The following PPARGC1A variants were observed in gnomAD, a reference collection of about 807,000 sequenced individuals.
The protein encoded by PPARGC1A is PPARG coactivator 1 alpha.
In PPARGC1A, 25 loss-of-function variants were observed where a neutral mutation model predicts 88.7. That is an observed-to-expected ratio of 0.28 (90% CI 0.21 to 0.39). The LOEUF (loss-of-function observed/expected upper bound fraction) is 0.39, where lower values mean the gene tolerates loss of function less well. Ranked by LOEUF, PPARGC1A falls within the 10% of genes least tolerant of loss-of-function variation. The probability of loss-of-function intolerance (pLI) is 1.00; values close to 1 mark genes in which losing one functional copy is unlikely to be tolerated. For missense variants in PPARGC1A, 880 were observed against 968.7 expected, an observed-to-expected ratio of 0.91 and a Z score of 1.22; for synonymous variants, 363 against 355.6, an observed-to-expected ratio of 1.02 and a Z score of -0.24.
intron 2 of PPARGC1A, among the ~76,000 whole-genome samples, chr4:23,876,160 T>C (rs1577616724): frequency 1.3e-5 from 2 of 152,242 alleles, no homozygotes; most frequent in Non-Finnish European, 1.5e-5. Flanking sequence ...CATAATAACA[T>C]ACTGCAATCA....
chr4:23,819,494 T>G (rs909317087), intron 7 of PPARGC1A, among the ~76,000 whole-genome samples: 3 of 152,154 alleles, frequency 2.0e-5, no homozygotes, highest in Admixed American at 1.3e-4. Flanking sequence ...TTGACCCTTG[T>G]GTAAATTCCC....
the PPARGC1A span, among the ~76,000 whole-genome samples, chr4:24,161,771 G>A: frequency 6.6e-6 from 1 of 152,154 alleles, no homozygotes; most frequent in Non-Finnish European, 1.5e-5. Flanking sequence ...TTCACTGAGT[G>A]CTAGCCACTG....
At chr4:24,355,573 C>T in the PPARGC1A span, among the ~76,000 whole-genome samples, 28 of 152,228 alleles carry the variant, frequency 1.8e-4, no homozygotes, top group African/African-American at 5.3e-4. Flanking sequence ...AGAAGAAAAG[C>T]TTACCACTTT....
chr4:23,939,341 A>G, the PPARGC1A span, among the ~76,000 whole-genome samples: 1 of 152,234 alleles, frequency 6.6e-6, no homozygotes, highest in African/African-American at 2.4e-5. Context: ...AGCCCAAATT[A>G]AAGACTAATT....
chr4:24,159,654 A>T, the PPARGC1A span, among the ~76,000 whole-genome samples: 3 of 152,300 alleles, frequency 2.0e-5, no homozygotes, highest in South Asian at 4.1e-4. Flanking sequence ...TTGTACATAA[A>T]ATGCAAATGC....
At chr4:23,933,520 G>A in the PPARGC1A span, among the ~76,000 whole-genome samples, 1 of 152,188 alleles carries the variant, frequency 6.6e-6, no homozygotes, top group South Asian at 2.1e-4. Context: ...AGAAACTCAT[G>A]TGGAAATGGG....
the PPARGC1A span, among the ~76,000 whole-genome samples, chr4:24,032,089 C>T: frequency 1.4e-4 from 21 of 152,134 alleles, no homozygotes; most frequent in Admixed American, 7.2e-4. Context: ...GATTTAGCAG[C>T]GATATAGATG....
At chr4:23,826,519 T>G (rs2109630273) in intron 5 of PPARGC1A, among the ~76,000 whole-genome samples, 1 of 152,246 alleles carries the variant, frequency 6.6e-6, no homozygotes, top group East Asian at 1.9e-4. Context: ...TACGTGATGT[T>G]CAGTGAGAAA....
At chr4:24,061,523 G>T in the PPARGC1A span, among the ~76,000 whole-genome samples, 1 of 99,122 alleles carries the variant, frequency 1.0e-5, no homozygotes, top group African/African-American at 3.8e-5. Flanking sequence ...TGTTCTCAAT[G>T]CAATATCTGT....
At chr4:24,026,910 G>T in the PPARGC1A span, among the ~76,000 whole-genome samples, 1 of 152,106 alleles carries the variant, frequency 6.6e-6, no homozygotes, top group East Asian at 1.9e-4. Context: ...TTGCTCTGTT[G>T]GGCCTCCTAT....
the PPARGC1A span, among the ~76,000 whole-genome samples, chr4:23,942,946 G>A: frequency 1.3e-5 from 2 of 152,134 alleles, no homozygotes; most frequent in Admixed American, 6.6e-5. Context: ...AGTCTAAGAA[G>A]GTGTTTTGTG....
At chr4:23,825,458 G>T (rs191748636) in intron 5 of PPARGC1A, among the ~76,000 whole-genome samples, 1 of 152,066 alleles carries the variant, frequency 6.6e-6, no homozygotes, top group East Asian at 1.9e-4. Context: ...AAACCAAAAA[G>T]GTCTTTAGAA....
At chr4:24,216,804 T>C in the PPARGC1A span, among the ~76,000 whole-genome samples, 2 of 152,170 alleles carry the variant, frequency 1.3e-5, no homozygotes, top group Admixed American at 1.3e-4. Context: ...GATTTCCTGA[T>C]CAACCAAGAT....
upstream of PPARGC1A, chr4:23,890,256 G>C: frequency 2.5e-6 from 1 of 403,124 alleles, no homozygotes; most frequent in Non-Finnish European, 3.9e-6. Flanking sequence ...AAGAAAGAAA[G>C]AAAGGAAACA....
chr4:24,433,534 T>C, the PPARGC1A span, among the ~76,000 whole-genome samples: 2 of 152,210 alleles, frequency 1.3e-5, no homozygotes, highest in African/African-American at 2.4e-5. Context: ...AACTCTCATT[T>C]TGAAAGCTCC....
the PPARGC1A span, among the ~76,000 whole-genome samples, chr4:23,941,702 C>T: frequency 1.3e-5 from 2 of 152,128 alleles, no homozygotes; most frequent in Admixed American, 6.6e-5. Flanking sequence ...GGGTCATGAA[C>T]AGTCCTAGGG....
At chr4:23,989,501 G>A in the PPARGC1A span, among the ~76,000 whole-genome samples, 3 of 152,034 alleles carry the variant, frequency 2.0e-5, no homozygotes, top group African/African-American at 7.2e-5. Flanking sequence ...AGAGGGGCAG[G>A]TAACAAAAGT....
At chr4:24,401,272 C>G in the PPARGC1A span, among the ~76,000 whole-genome samples, 1 of 152,084 alleles carries the variant, frequency 6.6e-6, no homozygotes, top group Admixed American at 6.5e-5. Context: ...CCTGCCTCAG[C>G]CTCCCAAAGT....
the PPARGC1A span, among the ~76,000 whole-genome samples, chr4:24,110,148 G>C: frequency 6.6e-6 from 1 of 152,118 alleles, no homozygotes; most frequent in Non-Finnish European, 1.5e-5. Flanking sequence ...TCCTTGGCCT[G>C]AATTCCAGTG....
Sources: allele counts gnomAD v4.1 joint callset (sites outside exome capture counted in the v4.1 genomes callset), GRCh38; gene constraint gnomAD v4.1.1; transcripts MANE v1.5; gene names NCBI Gene and HGNC (gene_info 2026-07-23, HGNC 2026-07-21).